KCNN3: variants seen among roughly 807,000 people sequenced by gnomAD.
KCNN3 encodes potassium calcium-activated channel subfamily N member 3.
A neutral mutation model predicts 62.9 loss-of-function variants in KCNN3; 16 were observed. The observed-to-expected ratio is 0.25, with a 90% CI of 0.17 to 0.39. The LOEUF (loss-of-function observed/expected upper bound fraction) is 0.39, where lower values mean the gene tolerates loss of function less well. Ranked by LOEUF, KCNN3 falls within the 10% of genes least tolerant of loss-of-function variation. The probability of loss-of-function intolerance (pLI) is 1.00; values close to 1 mark genes in which losing one functional copy is unlikely to be tolerated. For missense variants in KCNN3, 599 were observed against 949.4 expected, an observed-to-expected ratio of 0.63 and a Z score of 4.85; for synonymous variants, 370 against 389.2, an observed-to-expected ratio of 0.95 and a Z score of 0.58.
intron 2 of KCNN3, among the ~76,000 whole-genome samples, chr1:154,813,954 A>G (rs1650548129): frequency 6.6e-6 from 1 of 152,222 alleles, no homozygotes; most frequent in Non-Finnish European, 1.5e-5. Context: ...ATGTTTAGCA[A>G]ATAAAACCAA....
rs2101754269 is a variant in KCNN3, at chr1:154,708,092, C to T, written c.2080G>A (p.Glu694Lys). 4 of 1,613,902 alleles carry T rather than the reference C, an allele frequency of 2.5e-6. No homozygotes were observed. The East Asian group carries it at 6.7e-5, about 27-fold the overall frequency. Residue 694 changes from glutamate (E) to lysine (K), a missense_variant, in exon 8 of 8, where the codon GAG becomes AAG. Physicochemically the swap from Glu to Lys is moderately conservative, Grantham distance 56. Transcript: ENST00000271915. ...ACTGCCACGCTGACACCCCGGGCCT[C>T]GATGATGGCAGACAGGAGCTGCTGC... ...QQQQLLSAII[E>K]ARGVSVAVGT...
At chr1:154,709,203 A>C (rs1407215193) in intron 7 of KCNN3, among the ~76,000 whole-genome samples, 2 of 152,120 alleles carry the variant, frequency 1.3e-5, no homozygotes. Context: ...AGTCTATGCA[A>C]CAGATATTTT....
chr1:154,857,167 A>G (rs1447513400), intron 1 of KCNN3, among the ~76,000 whole-genome samples: 1 of 152,110 alleles, frequency 6.6e-6, no homozygotes, highest in East Asian at 1.9e-4. Context: ...TCCTCATGAC[A>G]CCCATTCTCA....
At chr1:154,734,463 A>G (rs2101794437) in intron 3 of KCNN3, among the ~76,000 whole-genome samples, 1 of 152,316 alleles carries the variant, frequency 6.6e-6, no homozygotes, top group Admixed American at 6.5e-5. Flanking sequence ...ACGTGCCGGG[A>G]CAGGCCTAGT....
intron 1 of KCNN3, among the ~76,000 whole-genome samples, chr1:154,853,892 C>A (rs948387468): frequency 6.6e-6 from 1 of 151,754 alleles, no homozygotes; most frequent in Admixed American, 6.6e-5. Context: ...TGCAGTGAGC[C>A]GAGATCACGC....
chr1:154,705,673 T>C lies in KCNN3; in HGVS notation c.*2303A>G, dbSNP rs149428365. The C allele has an allele frequency of 6.5e-4, 99 of 152,312 alleles. No individual in the cohort carries two copies. The highest frequency in any genetic ancestry group is 2.2e-3 in the African/African-American group (90 of 41,552). 9.4% of individuals were successfully genotyped at this position (152,312 alleles called of 1,614,324 possible). Reference sequence around the variant, plus strand: ...AAGAGTGGCAGTGGAATCTTGCATGTCATTTGGTTGAAATTAAGACTAAAT... The same window carrying C: ...AAGAGTGGCAGTGGAATCTTGCATGCCATTTGGTTGAAATTAAGACTAAAT... On this transcript the variant is annotated 3_prime_UTR_variant, in exon 8 of 8. Transcript: ENST00000271915.
At chr1:154,708,383 C>CCAGAT in intron 7 of KCNN3, 111 bp from the exon 8 acceptor site, 3 of 1,062,132 alleles carry the variant, frequency 2.8e-6, no homozygotes, top group Non-Finnish European at 4.4e-6. Context: ...CACTTCCACA[C>CCAGAT]CAGCTGATCT....
At position 154,727,979 on chromosome 1, in the gene KCNN3, C is replaced by T. The variant is rs765517884; in HGVS notation, c.1591-1953G>A. On this transcript the variant is annotated intron_variant, in intron 4 of 7. Coordinates refer to ENST00000271915, the MANE Select transcript of KCNN3 (RefSeq NM_002249.6). ...AGGGTTCTCCCCAGGTTCCATTCTCCCTCCTCTCGCTAGGCCCAGGCAAAA... is the reference window on the plus strand; with the variant it reads ...AGGGTTCTCCCCAGGTTCCATTCTCTCTCCTCTCGCTAGGCCCAGGCAAAA... Among the ~76,000 whole-genome samples, 10 of 152,342 alleles carry T rather than the reference C, an allele frequency of 6.6e-5. No homozygotes were observed. In the South Asian group the frequency reaches 8.3e-4, roughly 13 times the overall value.
chr1:154,772,722 A>G lies in KCNN3; in HGVS notation c.1030-329T>C, dbSNP rs895744717. 2.0e-5 allele frequency among the ~76,000 whole-genome samples: 3 copies of G among 152,228 alleles called. No individual in the cohort carries two copies. Among genetic ancestry groups the G allele is most frequent in the Non-Finnish European group, 4.4e-5 (3 of 68,036 alleles). On this transcript the variant is annotated intron_variant, in intron 2 of 7. Coordinates refer to ENST00000271915, the MANE Select transcript of KCNN3 (RefSeq NM_002249.6). This position sits in a 1 kb window ranked among gnomAD's most constrained non-coding sequence, Gnocchi z 5.6. Reference sequence around the variant, plus strand: ...TTATCCTGGTTTAGGCACAGTTCCCAAAACGCTCGGAATTTCCAAAGTGAT... The same window carrying G: ...TTATCCTGGTTTAGGCACAGTTCCCGAAACGCTCGGAATTTCCAAAGTGAT...
chr1:154,800,500 G>A (rs1032894258), intron 2 of KCNN3, among the ~76,000 whole-genome samples: 18 of 152,114 alleles, frequency 1.2e-4, no homozygotes, highest in African/African-American at 3.4e-4. Context: ...GCTCAGGGCC[G>A]GTGATTGTTA....
chr1:154,755,840 G>A (rs1647653066), intron 3 of KCNN3, among the ~76,000 whole-genome samples: 1 of 118,048 alleles, frequency 8.5e-6, no homozygotes, highest in African/African-American at 3.1e-5. Context: ...AGGAGGAGGG[G>A]GAAAGAAGGA....
At chr1:154,729,917 A>T (rs1333962227) in intron 4 of KCNN3, among the ~76,000 whole-genome samples, 1 of 152,264 alleles carries the variant, frequency 6.6e-6, no homozygotes, top group African/African-American at 2.4e-5. Context: ...GTCCCTGCAG[A>T]TATCCAGAAG....
In KCNN3 at chr1:154,713,518, C is replaced by T. The variant is rs1172634446; in HGVS notation, c.1845G>A (p.Lys615=). 1 of 1,613,816 alleles carries T rather than the reference C, an allele frequency of 6.2e-7. No homozygotes were observed. The highest frequency in any genetic ancestry group is 1.3e-5 in the African/African-American group (1 of 74,908). Residue 615 remains lysine (K), a synonymous_variant, in exon 7 of 8, where the codon AAG becomes AAA. Coordinates refer to ENST00000271915, the MANE Select transcript of KCNN3 (RefSeq NM_002249.6). ...LQAIHQLRSV[K]MEQRKLSDQA... ...GGTCACTCAGCTTCCTCTGTTCCAT[C>T]TTGACGCTCCTCAACCTGTGGGGAA...
intron 3 of KCNN3, among the ~76,000 whole-genome samples, chr1:154,757,550 G>T (rs1647786103): frequency 6.6e-6 from 1 of 152,218 alleles, no homozygotes; most frequent in Non-Finnish European, 1.5e-5. Flanking sequence ...ACAGAGATGG[G>T]CCCTGGGTCT....
intron 1 of KCNN3, chr1:154,868,434 G>A (rs1158683101): frequency 1.2e-6 from 1 of 839,260 alleles, no homozygotes; most frequent in Non-Finnish European, 1.4e-6. Context: ...GAGAAGAGGA[G>A]GGAAACAGAA....
intron 3 of KCNN3, among the ~76,000 whole-genome samples, chr1:154,741,404 G>A (rs775449118): frequency 6.6e-6 from 1 of 152,206 alleles, no homozygotes; most frequent in African/African-American, 2.4e-5. Flanking sequence ...AAATACTTGT[G>A]GACTGACTAA....
intron 1 of KCNN3, among the ~76,000 whole-genome samples, chr1:154,844,425 C>T (rs1054195876): frequency 1.3e-5 from 2 of 152,186 alleles, no homozygotes; most frequent in East Asian, 1.9e-4. Context: ...CCAAACACCT[C>T]GTTGACACTT....
At chr1:154,836,557 G>C (rs1651597639) in intron 1 of KCNN3, among the ~76,000 whole-genome samples, 1 of 152,250 alleles carries the variant, frequency 6.6e-6, no homozygotes, top group Non-Finnish European at 1.5e-5. Flanking sequence ...GTGGCTGGGA[G>C]TCTCAGCTGG....
At chr1:154,834,938 G>C (rs1359786169) in intron 1 of KCNN3, among the ~76,000 whole-genome samples, 1 of 152,104 alleles carries the variant, frequency 6.6e-6, no homozygotes, top group Non-Finnish European at 1.5e-5. Flanking sequence ...AGCCAGATTT[G>C]CTACTTCTTT....
Sources: allele counts gnomAD v4.1 joint callset (sites outside exome capture counted in the v4.1 genomes callset), GRCh38; gene constraint gnomAD v4.1.1; non-coding constraint Gnocchi (gnomAD v3.1); transcripts MANE v1.5; gene names NCBI Gene and HGNC (gene_info 2026-07-23, HGNC 2026-07-21).